ZBTB16: variants seen among roughly 807,000 people sequenced by gnomAD.
The protein encoded by ZBTB16 is zinc finger and BTB domain-containing protein 16.
In ZBTB16, 8 loss-of-function variants were observed where a neutral mutation model predicts 56.8. The ratio of observed to expected loss-of-function variants is 0.14; its 90% CI spans 0.08 to 0.25. The LOEUF (loss-of-function observed/expected upper bound fraction) is 0.25, where lower values mean the gene tolerates loss of function less well. ZBTB16 is among the 10% of genes least tolerant of loss of function. The pLI, the probability that ZBTB16 is intolerant of heterozygous loss-of-function variation, is 1.00. For missense variants in ZBTB16, 625 were observed against 903.0 expected, an observed-to-expected ratio of 0.69 and a Z score of 3.95; for synonymous variants, 363 against 368.5, an observed-to-expected ratio of 0.98 and a Z score of 0.17.
chr11:114,159,502 C>G (rs939176723), intron 3 of ZBTB16, among the ~76,000 whole-genome samples: 1 of 152,076 alleles, frequency 6.6e-6, no homozygotes, highest in Non-Finnish European at 1.5e-5. Context: ...TTCTGTTGTC[C>G]GGCATACTCC....
chr11:114,096,817 T>A (rs940302933), intron 2 of ZBTB16, among the ~76,000 whole-genome samples: 1 of 152,216 alleles, frequency 6.6e-6, no homozygotes, highest in Non-Finnish European at 1.5e-5. Context: ...ATCTAATTCT[T>A]TTTTTCTTTT....
chr11:114,147,293 G>A (rs934699246), intron 2 of ZBTB16, among the ~76,000 whole-genome samples: 1 of 152,176 alleles, frequency 6.6e-6, no homozygotes, highest in African/African-American at 2.4e-5. Context: ...TGGCTAGAGT[G>A]GAAACATATA....
intron 2 of ZBTB16, among the ~76,000 whole-genome samples, chr11:114,121,044 G>A (rs747297873): frequency 1.8e-4 from 28 of 152,186 alleles, no homozygotes; most frequent in Non-Finnish European, 3.1e-4. Flanking sequence ...CTTGCAGTTC[G>A]TGTGAATCCT....
chr11:114,059,873 C>T lies in ZBTB16; in HGVS notation c.-100C>T. On this transcript the variant is annotated 5_prime_UTR_variant, in exon 1 of 7. Coordinates refer to ENST00000335953, the MANE Select transcript of ZBTB16 (RefSeq NM_006006.6). The surrounding 1 kb of genome is among the most constrained non-coding windows in gnomAD (Gnocchi z 5.3). ...CGCACACCCACCCCACAGTGCCCGGCTCGGCTGCGGTGAGTGAGGGGCCGG... is the reference window on the plus strand; with the variant it reads ...CGCACACCCACCCCACAGTGCCCGGTTCGGCTGCGGTGAGTGAGGGGCCGG... The T allele has an allele frequency of 2.5e-6, 1 of 397,580 alleles. No individual in the cohort carries two copies. The highest frequency in any genetic ancestry group is 4.4e-6 in the Non-Finnish European group (1 of 225,558). The allele number at this position is 397,580 out of a possible 1,614,324, so 24.6% of individuals were successfully genotyped here.
chr11:114,064,474 G>T lies in ZBTB16; in HGVS notation c.1174G>T (p.Ala392Ser). ...RELFSKLGEL[A>S]VGMKSESRTI... ...GCTGTTCAGCAAGCTGGGGGAGCTG[G>T]CTGTGGGCATGAAGTCAGAGAGCCG... Residue 392 changes from alanine to serine, a missense_variant, in exon 2 of 7, where the codon GCT (alanine) becomes TCT (serine). Ala to Ser is a moderately conservative substitution (Grantham distance 99). Transcript: ENST00000335953. The surrounding 1 kb of genome is among the most constrained non-coding windows in gnomAD (Gnocchi z 4.2). 1 of 1,614,130 alleles carries T rather than the reference G, an allele frequency of 6.2e-7. No homozygotes were observed. The highest frequency in any genetic ancestry group is 8.5e-7 in the Non-Finnish European group (1 of 1,180,042).
intron 2 of ZBTB16, among the ~76,000 whole-genome samples, chr11:114,105,535 C>T (rs1305486164): frequency 2.0e-5 from 3 of 152,138 alleles, no homozygotes; most frequent in East Asian, 3.9e-4. Flanking sequence ...CCACCGCGCC[C>T]GACCCAATTC....
intron 1 of ZBTB16, among the ~76,000 whole-genome samples, chr11:114,062,941 C>G (rs1431713787): frequency 6.6e-6 from 1 of 152,220 alleles, no homozygotes; most frequent in Non-Finnish European, 1.5e-5. Context: ...TTTCATTTCA[C>G]TTCATCTAAC....
At chr11:114,148,445 CTCTG>C (rs1401932030) in intron 2 of ZBTB16, among the ~76,000 whole-genome samples, 3 of 56,924 alleles carry the variant, frequency 5.3e-5, no homozygotes, top group East Asian at 4.3e-4. Flanking sequence ...CTTTCTCTCT[CTCTG>C]TCTGTCTGTC....
chr11:114,127,494 T>TAC (rs973325721), intron 2 of ZBTB16, among the ~76,000 whole-genome samples: 5 of 152,004 alleles, frequency 3.3e-5, no homozygotes, highest in East Asian at 3.9e-4. Context: ...CCCACCCCAG[T>TAC]ACACACACAC....
chr11:114,159,939 G>GA (rs1481092634), intron 3 of ZBTB16, among the ~76,000 whole-genome samples: 1 of 149,324 alleles, frequency 6.7e-6, no homozygotes, highest in Non-Finnish European at 1.5e-5. Context: ...GGGGGAGGCG[G>GA]GGGGGAGGCG....
intron 4 of ZBTB16, among the ~76,000 whole-genome samples, chr11:114,237,876 A>G (rs1944624338): frequency 6.6e-6 from 1 of 152,188 alleles, no homozygotes; most frequent in African/African-American, 2.4e-5. Flanking sequence ...TTCTAAGCAG[A>G]AAAATGGGGA....
At chr11:114,196,448 G>A (rs182159459) in intron 4 of ZBTB16, among the ~76,000 whole-genome samples, 303 of 152,308 alleles carry the variant, frequency 2.0e-3, no homozygotes, top group Non-Finnish European at 3.8e-3. Flanking sequence ...GGAAGCTTAA[G>A]GGCACCCTCT....
chr11:114,110,075 C>G (rs1458716018), intron 2 of ZBTB16, among the ~76,000 whole-genome samples: 1 of 151,228 alleles, frequency 6.6e-6, no homozygotes, highest in Non-Finnish European at 1.5e-5. Flanking sequence ...AGAGAAGGGG[C>G]GTGAAGAATG....
intron 4 of ZBTB16, among the ~76,000 whole-genome samples, chr11:114,192,431 C>T (rs1321624397): frequency 6.6e-6 from 1 of 152,182 alleles, no homozygotes; most frequent in Admixed American, 6.5e-5. Context: ...GAATTGATGG[C>T]AGTCATCTTT....
rs1456065119 is a variant in ZBTB16 at position 114,254,762 on chromosome 11, C to T, written c.*4207C>T. On this transcript the variant is annotated 3_prime_UTR_variant, in exon 7 of 7. Coordinates refer to ENST00000335953, the MANE Select transcript of ZBTB16 (RefSeq NM_006006.6). ...TCTGCCGGCTTGGCTGTAATGGTGG[C>T]ACTTACCTGGATATTTCAGTGGGAG... Among the ~76,000 whole-genome samples, 5 of 152,146 alleles carry T rather than the reference C, an allele frequency of 3.3e-5. No individual in the cohort carries two copies. Among genetic ancestry groups the T allele is most frequent in the Admixed American group, 2.0e-4 (3 of 15,278 alleles).
At chr11:114,098,955 A>C (rs1474267482) in intron 2 of ZBTB16, among the ~76,000 whole-genome samples, 1 of 152,206 alleles carries the variant, frequency 6.6e-6, no homozygotes, top group African/African-American at 2.4e-5. Flanking sequence ...GCACTGCCGA[A>C]TTCTACAGTA....
intron 4 of ZBTB16, among the ~76,000 whole-genome samples, chr11:114,212,908 T>C (rs1365275062): frequency 6.6e-6 from 1 of 152,062 alleles, no homozygotes; most frequent in Non-Finnish European, 1.5e-5. Flanking sequence ...CTATGTTTTC[T>C]GCTTGGTAGA....
intron 2 of ZBTB16, among the ~76,000 whole-genome samples, chr11:114,127,830 G>A (rs923902238): frequency 3.3e-5 from 5 of 152,134 alleles, no homozygotes; most frequent in African/African-American, 7.2e-5. Context: ...TCCACAGTCC[G>A]GGAGAGGAGC....
rs562367745 is a variant in ZBTB16 at position 114,204,309 on chromosome 11, T to G, written c.1453+17271T>G. On this transcript the variant is annotated intron_variant, in intron 4 of 6. Transcript: ENST00000335953. Reference sequence around the variant, plus strand: ...ATGCACCACCATGCCCGGCTAATTTTTGTATTTTTTAGTAGAGATGGGGTT... The same window carrying G: ...ATGCACCACCATGCCCGGCTAATTTGTGTATTTTTTAGTAGAGATGGGGTT... 1.8e-4 allele frequency among the ~76,000 whole-genome samples: 27 copies of G among 152,202 alleles called. No homozygotes were observed. The South Asian group carries it at 5.4e-3, about 30-fold the overall frequency.
Sources: gnomAD v4.1 joint callset for allele counts (sites outside exome capture counted in the v4.1 genomes callset) on GRCh38, gnomAD v4.1.1 for gene constraint, Gnocchi (gnomAD v3.1) non-coding constraint, MANE v1.5 for transcripts, NCBI Gene and HGNC (gene_info 2026-07-23, HGNC 2026-07-21) for gene names.